Variants in COL21A1 observed in about 807,000 individuals in gnomAD.
COL21A1 encodes collagen type XXI alpha 1 chain.
In COL21A1, 149 loss-of-function variants were observed where a neutral mutation model predicts 137.9. The ratio of observed to expected loss-of-function variants is 1.08; its 90% CI spans 0.95 to 1.24. COL21A1 has a LOEUF of 1.24. COL21A1 is among the 50% of genes most tolerant of loss of function. The pLI is 0.00. For synonymous variants in COL21A1, 456 were observed against 391.5 expected, an observed-to-expected ratio of 1.16 and a Z score of -1.95; for missense variants, 1,167 against 1,158.4, an observed-to-expected ratio of 1.01 and a Z score of -0.11.
At chr6:56,222,839 T>C (rs1195213454) in intron 1 of COL21A1, among the ~76,000 whole-genome samples, 2 of 152,120 alleles carry the variant, frequency 1.3e-5, no homozygotes, top group East Asian at 1.9e-4. Context: ...GATTAGTACT[T>C]ACAGTTTCCA....
chr6:56,282,431 G>A (rs7739025), intron 1 of COL21A1, among the ~76,000 whole-genome samples: 2,633 of 152,152 alleles, frequency 0.017, 29 homozygotes, highest in South Asian at 0.024. Context: ...TAAAATTACA[G>A]ACAAAGGTAC....
At chr6:56,135,115 T>C (rs545512670) in intron 12 of COL21A1, among the ~76,000 whole-genome samples, 3 of 151,924 alleles carry the variant, frequency 2.0e-5, no homozygotes, top group South Asian at 2.1e-4. Context: ...TATACAAAGA[T>C]AGGAGAAAAA....
intron 12 of COL21A1, among the ~76,000 whole-genome samples, chr6:56,128,117 G>A (rs1368937253): frequency 6.6e-6 from 1 of 152,160 alleles, no homozygotes; most frequent in Non-Finnish European, 1.5e-5. Flanking sequence ...TGGGATTGGG[G>A]TAGATTGTTC....
chr6:56,168,819 C>T (rs78956702), intron 5 of COL21A1, among the ~76,000 whole-genome samples: 10,117 of 150,226 alleles, frequency 0.067, 386 homozygotes, highest in Admixed American at 0.11. Context: ...ATTTTTCACC[C>T]CCTCTTTGAC....
chr6:56,245,688 T>C (rs1332368352), intron 1 of COL21A1, among the ~76,000 whole-genome samples: 1 of 152,192 alleles, frequency 6.6e-6, no homozygotes, highest in Non-Finnish European at 1.5e-5. Flanking sequence ...TCGGAGAAGC[T>C]ATGCAACTAT....
chr6:56,368,353 G>C (rs1766147956), intron 1 of COL21A1, among the ~76,000 whole-genome samples: 1 of 152,154 alleles, frequency 6.6e-6, no homozygotes, highest in Admixed American at 6.5e-5. Context: ...CACATCAAAA[G>C]TGTGTTCTTC....
intron 1 of COL21A1, among the ~76,000 whole-genome samples, chr6:56,329,831 A>G (rs1765179089): frequency 6.6e-6 from 1 of 152,086 alleles, no homozygotes; most frequent in Non-Finnish European, 1.5e-5. Flanking sequence ...CATAGTCTAG[A>G]CCACTGTAAT....
rs768736130 is a variant in COL21A1 at position 56,074,281 on chromosome 6, A to T, written c.1916T>A (p.Leu639Ter). ...GCCTGGTGAGCCATTGCTTCCCATT[A>T]AACCCTACAATTTTAAAAAGGAATT... ...GKKGAPGMPGLMGSNGSPGQP... is the reference protein window; with the variant it reads ...GKKGAPGMPG The change falls in exon 20 of 30, where the codon TTA becomes TAA. Residue 639 changes from leucine (L) to a stop codon, truncating the protein, a stop_gained. Transcript: ENST00000244728. LOFTEE classifies it high-confidence loss of function. 1.1e-5 allele frequency: 17 copies of T among 1,582,880 alleles called. No individual in the cohort carries two copies. In the Admixed American group the frequency reaches 3.1e-4, roughly 29 times the overall value.
At chr6:56,114,509 G>A (rs371029847) in intron 16 of COL21A1, among the ~76,000 whole-genome samples, 19 of 152,166 alleles carry the variant, frequency 1.2e-4, no homozygotes, top group South Asian at 6.2e-4. Flanking sequence ...AAAAGTGGGC[G>A]AAGGACATGA....
At chr6:56,303,016 G>A (rs991623715) in intron 1 of COL21A1, among the ~76,000 whole-genome samples, 3 of 151,918 alleles carry the variant, frequency 2.0e-5, no homozygotes, top group Admixed American at 6.6e-5. Flanking sequence ...TTTTTCTCAG[G>A]TTTGTCAAAG....
chr6:56,087,614 C>T lies in COL21A1; in HGVS notation c.1813-10041G>A, dbSNP rs115686685. On this transcript the variant is annotated intron_variant, in intron 17 of 29. Transcript: ENST00000244728. The stretch of plus-strand genomic sequence containing the variant: ...TGTTATACAACCAAAAGACTGCCAG[C>T]TGGTGTTTATAGTTTCCCTTCAAGG... 7.5e-3 allele frequency among the ~76,000 whole-genome samples: 1,148 copies of T among 152,282 alleles called. 18 individuals carry two copies. The highest frequency in any genetic ancestry group is 0.025 in the African/African-American group (1,040 of 41,564).
chr6:56,165,265 A>C (rs1159642181), intron 7 of COL21A1, among the ~76,000 whole-genome samples: 1 of 152,198 alleles, frequency 6.6e-6, no homozygotes, highest in Admixed American at 6.5e-5. Context: ...TCTGTGTTTT[A>C]TTAAATAACA....
At chr6:56,192,399 C>G (rs1188449676) in intron 1 of COL21A1, among the ~76,000 whole-genome samples, 1 of 151,842 alleles carries the variant, frequency 6.6e-6, no homozygotes, top group Admixed American at 6.6e-5. Context: ...AAACTACCAT[C>G]AGAATGGGAG....
At position 56,207,840 on chromosome 6, in the gene COL21A1, T is replaced by C. The variant is rs992530060; in HGVS notation, c.-38-25184A>G. ...ATATCAAAAACCTTATCCACCACAA[T>C]CAAATCAGGTTCATCCCTGAGATGC... On this transcript the variant is annotated intron_variant, in intron 1 of 29. Transcript: ENST00000244728. 2.0e-5 allele frequency among the ~76,000 whole-genome samples: 3 copies of C among 152,234 alleles called. No individual in the cohort carries two copies. In the East Asian group the frequency reaches 5.8e-4, roughly 29 times the overall value.
At chr6:56,318,824 A>G (rs773127279) in intron 1 of COL21A1, among the ~76,000 whole-genome samples, 2 of 152,034 alleles carry the variant, frequency 1.3e-5, no homozygotes, top group African/African-American at 4.8e-5. Flanking sequence ...TGAGCTCACT[A>G]GCTGCTAATC....
intron 1 of COL21A1, among the ~76,000 whole-genome samples, chr6:56,345,034 T>C (rs995538261): frequency 1.2e-4 from 18 of 152,330 alleles, no homozygotes; most frequent in Admixed American, 5.9e-4. Context: ...CATTAGGTGC[T>C]TACCTACATG....
In COL21A1 at chr6:56,272,386, A is replaced by AC. The variant is rs368206809; in HGVS notation, c.-38-89731dup. On this transcript the variant is annotated intron_variant, in intron 1 of 28. Coordinates refer to the COL21A1 transcript ENST00000370819. ...GTGGAAACATTTACCCAATGCCTGCACCCCCATTGTATCTTGGGAGTTAAC... is the reference window on the plus strand; with the variant it reads ...GTGGAAACATTTACCCAATGCCTGCACCCCCCATTGTATCTTGGGAGTTAAC... Among the ~76,000 whole-genome samples the AC allele has an allele frequency of 2.2e-3, 334 of 148,588 alleles. 1 individual carries two copies. Among genetic ancestry groups the AC allele is most frequent in the African/African-American group, 7.8e-3 (320 of 40,940 alleles).
chr6:56,197,766 G>A (rs1779121701), intron 1 of COL21A1, among the ~76,000 whole-genome samples: 1 of 151,978 alleles, frequency 6.6e-6, no homozygotes, highest in South Asian at 2.1e-4. Flanking sequence ...CTTTAAATTG[G>A]TACAGCCATT....
chr6:56,385,953 G>A (rs541239500), intron 1 of COL21A1, among the ~76,000 whole-genome samples: 1 of 150,268 alleles, frequency 6.7e-6, no homozygotes, highest in South Asian at 2.1e-4. Flanking sequence ...AGGCTGGAGT[G>A]CAGTGGTGCA....
Sources: gnomAD v4.1 joint callset for allele counts (sites outside exome capture counted in the v4.1 genomes callset) on GRCh38, gnomAD v4.1.1 for gene constraint, MANE v1.5 for transcripts, NCBI Gene and HGNC (gene_info 2026-07-23, HGNC 2026-07-21) for gene names.